Variants in KPNA6 observed in about 807,000 individuals in gnomAD.
KPNA6 encodes karyopherin subunit alpha 6.
A neutral mutation model predicts 72.0 loss-of-function variants in KPNA6; 9 were observed. The observed-to-expected ratio is 0.13, with a 90% confidence interval of 0.08 to 0.22. The LOEUF is 0.22. Among genes scored for constraint, KPNA6 ranks in the 10% least tolerant of loss-of-function variants. The pLI is 1.00. For missense variants in KPNA6, 374 were observed against 655.7 expected, an observed-to-expected ratio of 0.57 and a Z score of 4.69; for synonymous variants, 219 against 242.1, an observed-to-expected ratio of 0.90 and a Z score of 0.89.
Position 32,162,412 on chromosome 1 carries a change from G to C in KPNA6, c.799G>C (p.Asp267His). 1 of 1,613,864 alleles carries C rather than the reference G, an allele frequency of 6.2e-7. No homozygotes were observed. The highest frequency in any genetic ancestry group is 1.3e-5 in the African/African-American group (1 of 74,988). The change falls in exon 9 of 14, where the codon GAC (aspartate) becomes CAC (histidine). Residue 267 changes from aspartate to histidine, a missense_variant. Around this residue, in one of 3 missense-constraint regions of KPNA6, gnomAD observed 298 missense variants for 495.4 expected, o/e 0.60. Coordinates refer to ENST00000373625, the MANE Select transcript of KPNA6 (RefSeq NM_012316.5). ...TCGCCTACTCTTCAGCAGCGACTCG[G>C]ACTTGCTGGCAGATGCTTGCTGGGC... ...LSRLLFSSDS[D>H]LLADACWALS...
Position 32,148,626 on chromosome 1 carries a change from C to G in KPNA6, c.5-5962C>G, listed in dbSNP as rs1056483743. ...TGTCACCCAGGCTGGAGTGCGATCT[C>G]GGCTCACTGCAACCTCCACCTCCCG... On this transcript the variant is annotated intron_variant, in intron 1 of 13. Transcript: ENST00000373625. 2.0e-5 allele frequency among the ~76,000 whole-genome samples: 3 copies of G among 146,444 alleles called. No homozygotes were observed. In the East Asian group the frequency reaches 6.0e-4, roughly 29 times the overall value.
chr1:32,160,379 A>G (rs1232669082), intron 6 of KPNA6, among the ~76,000 whole-genome samples: 1 of 151,610 alleles, frequency 6.6e-6, no homozygotes, highest in Non-Finnish European at 1.5e-5. Flanking sequence ...TTCTGTGGCT[A>G]TAGTACAGAT....
rs528046287 is a variant in KPNA6 at position 32,122,671 on chromosome 1, G to A, written c.4+14537G>A. Among the ~76,000 whole-genome samples the A allele has an allele frequency of 5.9e-5, 9 of 151,838 alleles. No individual in the cohort carries two copies. The South Asian group carries it at 1.9e-3, about 32-fold the overall frequency. On this transcript the variant is annotated intron_variant, in intron 1 of 13. Coordinates refer to ENST00000373625, the MANE Select transcript of KPNA6 (RefSeq NM_012316.5). ...AGGCAAGCTGTTTTAAGAAGTTTGG[G>A]TGGGCCGGGTGCAGTGGCTCATGCC...
intron 2 of KPNA6, among the ~76,000 whole-genome samples, chr1:32,156,131 C>A (rs1242782932): frequency 6.6e-6 from 1 of 150,562 alleles, no homozygotes; most frequent in Non-Finnish European, 1.5e-5. Flanking sequence ...AAGACAGGAT[C>A]TTGCCCTGTT....
At chr1:32,148,880 A>G (rs1383975638) in intron 1 of KPNA6, among the ~76,000 whole-genome samples, 2 of 147,004 alleles carry the variant, frequency 1.4e-5, no homozygotes, top group African/African-American at 5.2e-5. Flanking sequence ...TTCAATAGAG[A>G]TGAGATCTTG....
chr1:32,155,690 T>C (rs1260464191), intron 2 of KPNA6, among the ~76,000 whole-genome samples: 1 of 151,088 alleles, frequency 6.6e-6, no homozygotes, highest in East Asian at 1.9e-4. Flanking sequence ...ACAGATTCAG[T>C]CACCTGATTA....
chr1:32,133,080 A>C (rs1023300301), intron 1 of KPNA6, among the ~76,000 whole-genome samples: 2 of 152,026 alleles, frequency 1.3e-5, no homozygotes, highest in Non-Finnish European at 2.9e-5. Flanking sequence ...GCGGGGTCTC[A>C]CACCTGTAAT....
intron 1 of KPNA6, among the ~76,000 whole-genome samples, chr1:32,133,516 CAAAAAAAAAA>C (rs56850687): frequency 2.7e-4 from 12 of 43,880 alleles, no homozygotes; most frequent in South Asian, 7.2e-4. Context: ...CTAGTCTCTA[CAAAAAAAAAA>C]AAAAAAAAAA....
At chr1:32,124,570 G>A (rs1296827636) in intron 1 of KPNA6, among the ~76,000 whole-genome samples, 1 of 149,096 alleles carries the variant, frequency 6.7e-6, no homozygotes, top group Non-Finnish European at 1.5e-5. Flanking sequence ...GCAGTGGCAC[G>A]ATCTCGGCTC....
At chr1:32,127,300 T>C (rs1004979676) in intron 1 of KPNA6, among the ~76,000 whole-genome samples, 3 of 152,276 alleles carry the variant, frequency 2.0e-5, no homozygotes, top group African/African-American at 7.2e-5. Context: ...AGGGTGAACA[T>C]TGGATGTTTG....
intron 1 of KPNA6, among the ~76,000 whole-genome samples, chr1:32,153,545 TG>T (rs1247520638): frequency 7.6e-6 from 1 of 130,918 alleles, no homozygotes; most frequent in Non-Finnish European, 1.6e-5. Flanking sequence ...CACTCCAGCC[TG>T]GGCAACAAAA....
chr1:32,151,603 G>C (rs1029781968), intron 1 of KPNA6, among the ~76,000 whole-genome samples: 1 of 152,090 alleles, frequency 6.6e-6, no homozygotes, highest in Non-Finnish European at 1.5e-5. Context: ...TGAGATTTCC[G>C]TGGTGCTGTT....
intron 11 of KPNA6, among the ~76,000 whole-genome samples, 177 bp downstream of exon 11, chr1:32,166,407 A>T (rs945432671): frequency 2.0e-5 from 3 of 151,960 alleles, no homozygotes; most frequent in Non-Finnish European, 4.4e-5. Flanking sequence ...TGGGCAGATC[A>T]TGAGGTCAGG....
rs889419738 is a variant in KPNA6 at position 32,175,894 on chromosome 1, T to TCAAAAC, written c.*5003_*5008dup. The TCAAAAC allele has an allele frequency of 1.3e-5, 2 of 151,430 alleles. No homozygotes were observed. Among genetic ancestry groups the TCAAAAC allele is most frequent in the African/African-American group, 4.9e-5 (2 of 41,126 alleles). The allele number at this position is 151,430 out of a possible 1,614,324, so 9.4% of individuals were successfully genotyped here. On this transcript the variant is annotated 3_prime_UTR_variant, in exon 14 of 14. Transcript: ENST00000373625. ...GGGCAGATCACTTGAGGTTAGGGGT[T>TCAAAAC]CAAAACCAGCCTGACCAACATAGTA...
rs116010653 is a variant in KPNA6, at chr1:32,166,047, A to T, written c.991-58A>T. The T allele has an allele frequency of 1.8e-3, 2,812 of 1,526,766 alleles. 40 individuals are homozygous for T. The African/African-American group carries it at 0.032, about 18-fold the overall frequency. 94.6% of individuals were successfully genotyped at this position (1,526,766 alleles called of 1,614,324 possible). On this transcript the variant is annotated intron_variant, in intron 10 of 13. Transcript: ENST00000373625. ...AACAACAACAACAACAAAAAAACAT[A>T]AAAAAAATTAAAAACAGTTTAATTT...
intron 1 of KPNA6, among the ~76,000 whole-genome samples, chr1:32,131,253 C>T (rs1641631152): frequency 1.3e-5 from 2 of 152,184 alleles, no homozygotes; most frequent in Admixed American, 6.5e-5. Flanking sequence ...GAGATTGCGC[C>T]ATTGCACTCC....
intron 11 of KPNA6, among the ~76,000 whole-genome samples, chr1:32,166,706 G>T (rs2124091813): frequency 6.6e-6 from 1 of 150,634 alleles, no homozygotes; most frequent in East Asian, 2.0e-4. Context: ...GAGGTGGGCG[G>T]ATCACAAGGT....
chr1:32,174,303 GCA>G lies in KPNA6; in HGVS notation c.*3412_*3413del, dbSNP rs1642490668. The G allele has an allele frequency of 6.6e-6, 1 of 152,284 alleles. No individual in the cohort carries two copies. Among genetic ancestry groups the G allele is most frequent in the Admixed American group, 6.5e-5 (1 of 15,278 alleles). 9.4% of individuals were successfully genotyped at this position (152,284 alleles called of 1,614,324 possible). Reference sequence around the variant, plus strand: ...GAGCCCTGTTTTTTGGAGCTGAACTGCACAGATTATAGCTGCTATTGTACTTA... The same window carrying G: ...GAGCCCTGTTTTTTGGAGCTGAACTGCAGATTATAGCTGCTATTGTACTTA... On this transcript the variant is annotated 3_prime_UTR_variant, in exon 14 of 14. Coordinates refer to ENST00000373625, the MANE Select transcript of KPNA6 (RefSeq NM_012316.5).
chr1:32,121,898 G>A (rs1363466047), intron 1 of KPNA6, among the ~76,000 whole-genome samples: 3 of 151,144 alleles, frequency 2.0e-5, no homozygotes, highest in Admixed American at 6.6e-5. Flanking sequence ...ACTTGAACCC[G>A]GGAGGCAGAG....
Sources: gnomAD v4.1 joint callset for allele counts (sites outside exome capture counted in the v4.1 genomes callset) on GRCh38, gnomAD v4.1.1 for gene constraint, gnomAD v4.1.1 regional missense constraint, MANE v1.5 for transcripts, NCBI Gene and HGNC (gene_info 2026-07-23, HGNC 2026-07-21) for gene names.